SMG1: variants seen among roughly 807,000 people sequenced by gnomAD.
The protein encoded by SMG1 is serine/threonine-protein kinase SMG1.
In SMG1, 22 loss-of-function variants were observed where a neutral mutation model predicts 419.9. The ratio of observed to expected loss-of-function variants is 0.05; its 90% CI spans 0.04 to 0.07. The LOEUF is 0.07. SMG1 is among the 10% of genes least tolerant of loss of function. The probability of loss-of-function intolerance (pLI) is 1.00; values close to 1 mark genes in which losing one functional copy is unlikely to be tolerated. For missense variants in SMG1, 3,185 were observed against 4,342.0 expected (o/e 0.73, Z 7.49); for synonymous variants, 1,538 against 1,553.5 (o/e 0.99, Z 0.23).
At chr16:18,892,723 A>G (rs1471901199) in intron 3 of SMG1, among the ~76,000 whole-genome samples, 2 of 152,074 alleles carry the variant, frequency 1.3e-5, no homozygotes, top group African/African-American at 4.8e-5. Context: ...ACAGAGCAAG[A>G]CCCTCTCTCA....
intron 1 of SMG1, 22 bp downstream of exon 1, chr16:18,925,926 CGG>C (rs2038385275): frequency 6.6e-7 from 1 of 1,504,012 alleles, no homozygotes; most frequent in East Asian, 2.6e-5. Flanking sequence ...GAGGTCGGGG[CGG>C]GGTCCCGGGC....
rs375985094 is a variant in SMG1, at chr16:18,834,267, G to T, written c.8502C>A (p.Ile2834=). The T allele has an allele frequency of 1.2e-4, 196 of 1,610,778 alleles. No individual in the cohort carries two copies. The highest frequency in any genetic ancestry group is 1.6e-4 in the Non-Finnish European group (193 of 1,178,524). ...TCTCAGACGCTTCCATGGGGTTCGG[G>T]ATATCTAAGTCCTGTGGCACCAGGT... ...QCHLVPQDLD[I]PNPMEASETV... is the part of the protein sequence containing the mutation. The change falls in exon 50 of 63, where the codon ATC becomes ATA. Residue 2834 remains isoleucine (I), a synonymous_variant. Transcript: ENST00000446231.
At chr16:18,881,658 C>G (rs189338194) in intron 10 of SMG1, among the ~76,000 whole-genome samples, 148 of 152,176 alleles carry the variant, frequency 9.7e-4, no homozygotes, top group Non-Finnish European at 1.6e-3. Flanking sequence ...TACAGTGCAG[C>G]TAATGTTTGA....
At chr16:18,902,060 T>C (rs1422820036) in intron 1 of SMG1, among the ~76,000 whole-genome samples, 1 of 151,832 alleles carries the variant, frequency 6.6e-6, no homozygotes, top group Non-Finnish European at 1.5e-5. Flanking sequence ...GTCACATGGA[T>C]CAGCTTGACC....
chr16:18,882,847 G>C lies in SMG1; in HGVS notation c.1120-509C>G, dbSNP rs146162925. 2.6e-5 allele frequency among the ~76,000 whole-genome samples: 4 copies of C among 152,134 alleles called. No individual in the cohort carries two copies. The East Asian group carries it at 7.7e-4, about 29-fold the overall frequency. On this transcript the variant is annotated intron_variant, in intron 9 of 62. Transcript: ENST00000446231. Reference sequence around the variant, plus strand: ...GAAAAGGACAAGATTCGCAAAAACTGGGATACTAGAACCAATGTATGCATC... The same window carrying C: ...GAAAAGGACAAGATTCGCAAAAACTCGGATACTAGAACCAATGTATGCATC...
At chr16:18,869,052 T>A (rs1194677305) in intron 20 of SMG1, 52 bp downstream of exon 20, 7 of 1,448,896 alleles carry the variant, frequency 4.8e-6, no homozygotes, top group Non-Finnish European at 6.8e-6. Context: ...GAATCCAGTA[T>A]TTCTTAATAA....
At position 18,805,472 on chromosome 16, in the gene SMG1, G is replaced by A. The variant is rs1221734090; in HGVS notation, c.*4097C>T. ...GACCCTAAGTAGTTCATATTTTACA[G>A]CCCTTGAACTTATAAAGCTTTTCTC... On this transcript the variant is annotated 3_prime_UTR_variant, in exon 63 of 63. Coordinates refer to ENST00000446231, the MANE Select transcript of SMG1 (RefSeq NM_015092.5). 1 of 152,124 alleles carries A rather than the reference G, an allele frequency of 6.6e-6. No homozygotes were observed. Among genetic ancestry groups the A allele is most frequent in the Non-Finnish European group, 1.5e-5 (1 of 68,018 alleles). 9.4% of individuals were successfully genotyped at this position (152,124 alleles called of 1,614,324 possible).
chr16:18,878,301 A>C (rs1469126918), intron 11 of SMG1: 1 of 147,264 alleles, frequency 6.8e-6, no homozygotes, highest in East Asian at 2.0e-4. Context: ...CGTCTCAACA[A>C]AAAAAAAAAA....
Position 18,876,116 on chromosome 16 carries a change from A to G in SMG1, c.1890+8T>C. On this transcript the variant is annotated splice_region_variant and intron_variant, in intron 13 of 62. Coordinates refer to ENST00000446231, the MANE Select transcript of SMG1 (RefSeq NM_015092.5). Reference sequence around the variant, plus strand: ...GATAAAACAAAGTCATTACAATTAAAGACTCACCCCTATTAGTGAGTTTTT... The same window carrying G: ...GATAAAACAAAGTCATTACAATTAAGGACTCACCCCTATTAGTGAGTTTTT... 6.2e-7 allele frequency: 1 copy of G among 1,611,382 alleles called. No homozygotes were observed.
chr16:18,870,643 A>T lies in SMG1; in HGVS notation c.2459T>A (p.Leu820Gln). 1 of 1,605,848 alleles carries T rather than the reference A, an allele frequency of 6.2e-7. No homozygotes were observed. Among genetic ancestry groups the T allele is most frequent in the Non-Finnish European group, 8.5e-7 (1 of 1,176,598 alleles). ...AACATCTAAAGGAATTGATTTCAAC[A>T]GTTTTCCAAATGCTTGTCGAATACG... ...GTRIRQAFGK[L>Q]LKSIPLDVVL... Residue 820 changes from leucine (L) to glutamine (Q), a missense_variant, in exon 18 of 63, where the codon CTG (leucine) becomes CAG (glutamine). Physicochemically the swap from Leu to Gln is moderately radical, Grantham distance 113. Transcript: ENST00000446231.
At chr16:18,867,697 CTTCTTTT>C (rs1195291368) in intron 22 of SMG1, among the ~76,000 whole-genome samples, 5 of 125,456 alleles carry the variant, frequency 4.0e-5, no homozygotes, top group Admixed American at 8.9e-5. Flanking sequence ...ATTATTTTAA[CTTCTTTT>C]TTTTTTTTTT....
At chr16:18,847,752 T>G in intron 37 of SMG1, 64 bp downstream of exon 37, 2 of 1,583,542 alleles carry the variant, frequency 1.3e-6, no homozygotes, top group Non-Finnish European at 1.7e-6. Context: ...TCAATACAGA[T>G]TGGCAAAAGC....
intron 13 of SMG1, among the ~76,000 whole-genome samples, chr16:18,873,292 C>A (rs574929411): frequency 2.0e-5 from 3 of 152,222 alleles, no homozygotes; most frequent in African/African-American, 7.2e-5. Context: ...GATCTTGGCT[C>A]ACTGCAACCT....
intron 1 of SMG1, among the ~76,000 whole-genome samples, chr16:18,919,389 C>T (rs2038097302): frequency 6.6e-6 from 1 of 151,652 alleles, no homozygotes; most frequent in Non-Finnish European, 1.5e-5. Context: ...CTTTGGGAGG[C>T]TGAGGCGGGC....
At position 18,817,279 on chromosome 16, in the gene SMG1, A is replaced by G. The variant is rs772561078; in HGVS notation, c.10074+12T>C. 2.6e-5 allele frequency: 42 copies of G among 1,600,364 alleles called. No individual in the cohort carries two copies. The highest frequency in any genetic ancestry group is 3.5e-5 in the Admixed American group (2 of 56,724). ...GCCTTATTTAATCAAGTTTCTTTCC[A>G]CCAAGACTCACCACTCTCTGTAATA... On this transcript the variant is annotated intron_variant, in intron 57 of 62. Coordinates refer to ENST00000446231, the MANE Select transcript of SMG1 (RefSeq NM_015092.5).
chr16:18,874,871 A>C (rs1176398941), intron 13 of SMG1, among the ~76,000 whole-genome samples: 3 of 14,886 alleles, frequency 2.0e-4, no homozygotes, highest in Non-Finnish European at 4.0e-4. Flanking sequence ...TGTCTCAAAA[A>C]AAAAAAAAAA....
chr16:18,920,861 G>C (rs1196524960), intron 1 of SMG1, among the ~76,000 whole-genome samples: 2 of 149,314 alleles, frequency 1.3e-5, no homozygotes, highest in African/African-American at 2.5e-5. Flanking sequence ...GAGGAAGCCA[G>C]GCATGGTGGC....
rs369589268 is a variant in SMG1, at chr16:18,918,267, A to AAAACAAAC, written c.92+7675_92+7682dup. On this transcript the variant is annotated intron_variant, in intron 1 of 62. Coordinates refer to ENST00000446231, the MANE Select transcript of SMG1 (RefSeq NM_015092.5). ...AACAAGAGCAAAAACTCCGTCTCCAAAAACAAACAAACAAACAAACAAAGA... is the reference window on the plus strand; with the variant it reads ...AACAAGAGCAAAAACTCCGTCTCCAAAAACAAACAAACAAACAAACAAACAAACAAAGA... 1.2e-3 allele frequency among the ~76,000 whole-genome samples: 176 copies of AAAACAAAC among 152,196 alleles called. 1 individual carries two copies. Among genetic ancestry groups the AAAACAAAC allele is most frequent in the African/African-American group, 3.8e-3 (158 of 41,544 alleles).
intron 22 of SMG1, among the ~76,000 whole-genome samples, chr16:18,867,698 T>A (rs1403769842): frequency 1.6e-5 from 2 of 128,902 alleles, no homozygotes; most frequent in East Asian, 4.4e-4. Context: ...TTATTTTAAC[T>A]TCTTTTTTTT....
Sources: gnomAD v4.1 joint callset for allele counts (sites outside exome capture counted in the v4.1 genomes callset) on GRCh38, gnomAD v4.1.1 for gene constraint, MANE v1.5 for transcripts, NCBI Gene and HGNC (gene_info 2026-07-23, HGNC 2026-07-21) for gene names.